COL7A1: variants seen among roughly 807,000 people sequenced by gnomAD.
COL7A1 encodes the protein collagen type VII alpha 1 chain.
Under a neutral mutation model 456.2 loss-of-function variants are expected in COL7A1, and 296 were observed. The observed-to-expected ratio is 0.65, with a 90% CI of 0.59 to 0.71. COL7A1 has a LOEUF of 0.71. Ranked by LOEUF, COL7A1 falls within the 30% of genes least tolerant of loss-of-function variation. COL7A1 has a pLI of 0.00. For missense variants in COL7A1, 3,441 were observed against 4,017.2 expected, an observed-to-expected ratio of 0.86 and a Z score of 3.88; for synonymous variants, 1,464 against 1,525.9, an observed-to-expected ratio of 0.96 and a Z score of 0.95.
At position 48,581,701 on chromosome 3, in the gene COL7A1, C is replaced by T; in HGVS notation, c.4722+5G>A. 6.2e-7 allele frequency: 1 copy of T among 1,614,108 alleles called. No homozygotes were observed. The highest frequency in any genetic ancestry group is 8.5e-7 in the Non-Finnish European group (1 of 1,180,014). On this transcript the variant is annotated splice_donor_5th_base_variant and intron_variant, in intron 49 of 118. Coordinates refer to ENST00000681320, the MANE Select transcript of COL7A1 (RefSeq NM_000094.4). The surrounding 1 kb of genome is among the most constrained non-coding windows in gnomAD (Gnocchi z 5.8). ...ACTGCCCCCTAAACACTTCGCTTCA[C>T]TTACCCGTTCCCCTTGGACTCCGGT... is the stretch of plus-strand genomic sequence containing the variant.
At position 48,568,860 on chromosome 3, in the gene COL7A1, G is replaced by T. The variant is rs1423339135; in HGVS notation, c.7687-5C>A. The T allele has an allele frequency of 6.4e-7, 1 of 1,572,150 alleles. No individual in the cohort carries two copies. ...ACCAGGCTCTCCCTTGCTGCCCTGT[G>T]GGAGTGACCAGGAGAGGGATTCAGT... is the stretch of plus-strand genomic sequence containing the variant. On this transcript the variant is annotated splice_region_variant and splice_polypyrimidine_tract_variant and intron_variant, in intron 103 of 118. Coordinates refer to ENST00000681320, the MANE Select transcript of COL7A1 (RefSeq NM_000094.4). The surrounding 1 kb of genome is among the most constrained non-coding windows in gnomAD (Gnocchi z 5.2).
chr3:48,583,525 C>T lies in COL7A1; in HGVS notation c.4401+31G>A. ...AGGTAGGGGCTGGAGCTGTGCCCAC[C>T]ATATTCAGAATCCCTGGCCCCTCCA... On this transcript the variant is annotated intron_variant, in intron 41 of 118. Transcript: ENST00000681320. This position sits in a 1 kb window ranked among gnomAD's most constrained non-coding sequence, Gnocchi z 5.1. 1.2e-6 allele frequency: 2 copies of T among 1,613,878 alleles called. No individual in the cohort carries two copies. The highest frequency in any genetic ancestry group is 1.7e-6 in the Non-Finnish European group (2 of 1,179,872).
In COL7A1 at chr3:48,580,466, G is replaced by A. The variant is rs2044665594; in HGVS notation, c.5052+115C>T. On this transcript the variant is annotated intron_variant, in intron 55 of 118. Coordinates refer to ENST00000681320, the MANE Select transcript of COL7A1 (RefSeq NM_000094.4). The surrounding 1 kb of genome is among the most constrained non-coding windows in gnomAD (Gnocchi z 4.5). ...CAGATGCGTGTGTGCAGGGGTCAAA[G>A]GAAGTGAAGATTGGGAGGGTTTAGC... 6.8e-7 allele frequency: 1 copy of A among 1,475,376 alleles called. No individual in the cohort carries two copies. The highest frequency in any genetic ancestry group is 1.4e-5 in the African/African-American group (1 of 71,528). 91.4% of individuals were successfully genotyped at this position (1,475,376 alleles called of 1,614,324 possible).
rs926170741 is a variant in COL7A1 at position 48,584,890 on chromosome 3, A to T, written c.4011+20T>A. On this transcript the variant is annotated intron_variant, in intron 34 of 118. Coordinates refer to ENST00000681320, the MANE Select transcript of COL7A1 (RefSeq NM_000094.4). Reference sequence around the variant, plus strand: ...ACCCTGGGAAGACACTTAGAGAGCAAAGAAGGGAAGGCACCTTACCGGGTC... The same window carrying T: ...ACCCTGGGAAGACACTTAGAGAGCATAGAAGGGAAGGCACCTTACCGGGTC... The T allele has an allele frequency of 1.2e-5, 19 of 1,613,976 alleles. No homozygotes were observed. The highest frequency in any genetic ancestry group is 1.6e-5 in the Non-Finnish European group (19 of 1,179,990).
chr3:48,590,652 C>A lies in COL7A1; in HGVS notation c.1780+21G>T. 1.2e-6 allele frequency: 2 copies of A among 1,613,984 alleles called. No individual in the cohort carries two copies. Among genetic ancestry groups the A allele is most frequent in the Non-Finnish European group, 1.7e-6 (2 of 1,180,038 alleles). ...GAGTGAGGCAGGCAGCTGTCCTCCACAAGCCTCCTGCAGTACTCACCCCGG... is the reference window on the plus strand; with the variant it reads ...GAGTGAGGCAGGCAGCTGTCCTCCAAAAGCCTCCTGCAGTACTCACCCCGG... On this transcript the variant is annotated intron_variant, in intron 14 of 118. Transcript: ENST00000681320. This position sits in a 1 kb window ranked among gnomAD's most constrained non-coding sequence, Gnocchi z 4.6.
At chr3:48,582,727 G>A in intron 44 of COL7A1, 74 bp from the exon 45 acceptor site, 1 of 1,527,626 alleles carries the variant, frequency 6.5e-7, no homozygotes, top group Non-Finnish European at 9.0e-7. Flanking sequence ...CTAGAGGCTG[G>A]GGTGGGGGCT....
In COL7A1 at chr3:48,574,581, C is replaced by G. The variant is rs1355708921; in HGVS notation, c.6394-31G>C. 2.5e-6 allele frequency: 4 copies of G among 1,613,782 alleles called. No homozygotes were observed. The African/African-American group carries it at 4.0e-5, about 16-fold the overall frequency. On this transcript the variant is annotated intron_variant, in intron 78 of 118. Coordinates refer to ENST00000681320, the MANE Select transcript of COL7A1 (RefSeq NM_000094.4). This position sits in a 1 kb window ranked among gnomAD's most constrained non-coding sequence, Gnocchi z 5.0. ...GGCAGAGTGTCGTGCCCTGAGCCCC[C>G]AGTCCCTGCCACGTGCCCAGGTGCA...
At position 48,570,221 on chromosome 3, in the gene COL7A1, CAG is replaced by C; in HGVS notation, c.7441-45_7441-44del. On this transcript the variant is annotated intron_variant, in intron 98 of 118. Transcript: ENST00000681320. This position sits in a 1 kb window ranked among gnomAD's most constrained non-coding sequence, Gnocchi z 5.5. ...GTTCATTGACTCAGAGGTTGGAAAT[CAG>C]AGGCAAGAGCTGGGATGAAGGGAGT... 6.2e-7 allele frequency: 1 copy of C among 1,614,082 alleles called. No homozygotes were observed. Among genetic ancestry groups the C allele is most frequent in the Non-Finnish European group, 8.5e-7 (1 of 1,179,976 alleles).
At position 48,566,875 on chromosome 3, in the gene COL7A1, A is replaced by G. The variant is rs367631092; in HGVS notation, c.8226+32T>C. Reference sequence around the variant, plus strand: ...GAGGTTGGAAGGGTAGGGAAGGTTCAGGGATCAGGAGTCAGAGCTGGGGCC... The same window carrying G: ...GAGGTTGGAAGGGTAGGGAAGGTTCGGGGATCAGGAGTCAGAGCTGGGGCC... On this transcript the variant is annotated intron_variant, in intron 111 of 118. Coordinates refer to ENST00000681320, the MANE Select transcript of COL7A1 (RefSeq NM_000094.4). The surrounding 1 kb of genome is among the most constrained non-coding windows in gnomAD (Gnocchi z 5.9). 3.8e-6 allele frequency: 6 copies of G among 1,576,548 alleles called. No homozygotes were observed. The African/African-American group carries it at 6.8e-5, about 18-fold the overall frequency.
In COL7A1 at chr3:48,584,748, G is replaced by A. The variant is rs2045103235; in HGVS notation, c.4033C>T (p.Pro1345Ser). 1 of 1,613,812 alleles carries A rather than the reference G, an allele frequency of 6.2e-7. No individual in the cohort carries two copies. The highest frequency in any genetic ancestry group is 8.5e-7 in the Non-Finnish European group (1 of 1,180,016). Reference protein sequence around the residue: ...GDPGERGPRGPKGEPGAPGQV... With the variant: ...GDPGERGPRGSKGEPGAPGQV... Reference sequence around the variant, plus strand: ...CCTTCACCTACCGGCTCCCCCTTTGGGCCTCGAGGTCCTCGCTCTCCCTGA... The same window carrying A: ...CCTTCACCTACCGGCTCCCCCTTTGAGCCTCGAGGTCCTCGCTCTCCCTGA... Residue 1345 changes from proline to serine, a missense_variant, in exon 35 of 119, where the codon CCA (proline) becomes TCA (serine). Physicochemically the swap from Pro to Ser is moderately conservative, Grantham distance 74 (BLOSUM62 -1). Transcript: ENST00000681320.
At position 48,573,440 on chromosome 3, in the gene COL7A1, T is replaced by G; in HGVS notation, c.6618+73A>C. The G allele has an allele frequency of 6.2e-7, 1 of 1,613,290 alleles. No homozygotes were observed. The highest frequency in any genetic ancestry group is 8.5e-7 in the Non-Finnish European group (1 of 1,179,520). On this transcript the variant is annotated intron_variant, in intron 83 of 118. Coordinates refer to ENST00000681320, the MANE Select transcript of COL7A1 (RefSeq NM_000094.4). The surrounding 1 kb of genome is among the most constrained non-coding windows in gnomAD (Gnocchi z 5.5). Reference sequence around the variant, plus strand: ...TTGCAGGAGATGACAGCCCAGGAGGTTGGCGCACACTACCCCAGGCATGGA... The same window carrying G: ...TTGCAGGAGATGACAGCCCAGGAGGGTGGCGCACACTACCCCAGGCATGGA...
rs2043917870 is a variant in COL7A1, at chr3:48,571,529, C to A, written c.7069-251G>T. 4 of 703,694 alleles carry A rather than the reference C, an allele frequency of 5.7e-6. No individual in the cohort carries two copies. Among genetic ancestry groups the A allele is most frequent in the Non-Finnish European group, 1.1e-5 (4 of 377,724 alleles). 43.6% of individuals were successfully genotyped at this position (703,694 alleles called of 1,614,324 possible). ...CAGGCATGGCACAGGCACAGGGAGC[C>A]CACACGCGAGTGCAGACATCTGGCT... On this transcript the variant is annotated intron_variant, in intron 92 of 118. Coordinates refer to ENST00000681320, the MANE Select transcript of COL7A1 (RefSeq NM_000094.4). This position sits in a 1 kb window ranked among gnomAD's most constrained non-coding sequence, Gnocchi z 4.6.
Position 48,580,257 on chromosome 3 carries a change from G to C in COL7A1, c.5097+43C>G, listed in dbSNP as rs751655770. The C allele has an allele frequency of 2.5e-6, 4 of 1,602,044 alleles. No homozygotes were observed. The highest frequency in any genetic ancestry group is 3.4e-6 in the Non-Finnish European group (4 of 1,173,472). On this transcript the variant is annotated intron_variant, in intron 56 of 118. Coordinates refer to ENST00000681320, the MANE Select transcript of COL7A1 (RefSeq NM_000094.4). This position sits in a 1 kb window ranked among gnomAD's most constrained non-coding sequence, Gnocchi z 4.5. ...AGGCACACTGGCAGCAGCGCCAGGG[G>C]ACCCTCCATCCCTTCTGAGCCCAGG...
In COL7A1 at chr3:48,579,565, C is replaced by T; in HGVS notation, c.5235+23G>A. Reference sequence around the variant, plus strand: ...AGAGCAGGCCCTCCCATGCCTGCACCCCCGAGGACCAATCACACTCACCCT... The same window carrying T: ...AGAGCAGGCCCTCCCATGCCTGCACTCCCGAGGACCAATCACACTCACCCT... On this transcript the variant is annotated intron_variant, in intron 59 of 118. Transcript: ENST00000681320. The surrounding 1 kb of genome is among the most constrained non-coding windows in gnomAD (Gnocchi z 4.4). The T allele has an allele frequency of 6.2e-7, 1 of 1,613,850 alleles. No homozygotes were observed. Among genetic ancestry groups the T allele is most frequent in the Non-Finnish European group, 8.5e-7 (1 of 1,179,988 alleles).
At position 48,574,512 on chromosome 3, in the gene COL7A1, T is replaced by C. The variant is rs765527332; in HGVS notation, c.6432A>G (p.Gly2144=). ...PGIKGDRGEP[G]PRGQDGNPGL... The stretch of plus-strand genomic sequence containing the variant: ...CCGGGTTGCCGTCCTGACCCCTCGG[T>C]CCAGGCTCTCCCCGGTCTCCTTTGA... Residue 2144 remains glycine (G), a synonymous_variant, in exon 79 of 119, where the codon GGA becomes GGG. Coordinates refer to ENST00000681320, the MANE Select transcript of COL7A1 (RefSeq NM_000094.4). This position sits in a 1 kb window ranked among gnomAD's most constrained non-coding sequence, Gnocchi z 5.0. The C allele has an allele frequency of 1.2e-5, 20 of 1,614,046 alleles. No homozygotes were observed. The South Asian group carries it at 2.2e-4, about 18-fold the overall frequency.
At position 48,565,698 on chromosome 3, in the gene COL7A1, A is replaced by AG; in HGVS notation, c.8408-31_8408-30insC. The stretch of plus-strand genomic sequence containing the variant: ...AGGGGGCAGAGAGGGATAGAGAGAC[A>AG]ATGACAGAGAGAAGGATGGGAAGAT... On this transcript the variant is annotated intron_variant, in intron 114 of 118. Transcript: ENST00000681320. This position sits in a 1 kb window ranked among gnomAD's most constrained non-coding sequence, Gnocchi z 4.5. The AG allele has an allele frequency of 6.3e-7, 1 of 1,598,614 alleles. No homozygotes were observed. The highest frequency in any genetic ancestry group is 8.5e-7 in the Non-Finnish European group (1 of 1,170,716).
rs1490409117 is a variant in COL7A1 at position 48,579,555 on chromosome 3, A to T, written c.5235+33T>A. On this transcript the variant is annotated intron_variant, in intron 59 of 118. Transcript: ENST00000681320. The surrounding 1 kb of genome is among the most constrained non-coding windows in gnomAD (Gnocchi z 4.4). ...GGAAGAAATCAGAGCAGGCCCTCCCATGCCTGCACCCCCGAGGACCAATCA... is the reference window on the plus strand; with the variant it reads ...GGAAGAAATCAGAGCAGGCCCTCCCTTGCCTGCACCCCCGAGGACCAATCA... The T allele has an allele frequency of 3.7e-6, 6 of 1,613,668 alleles. No homozygotes were observed. In the Admixed American group the frequency reaches 6.7e-5, roughly 18 times the overall value.
intron 18 of COL7A1, 107 bp from the exon 19 acceptor site, chr3:48,589,102 G>C: frequency 6.3e-7 from 1 of 1,581,190 alleles, no homozygotes; most frequent in Non-Finnish European, 8.7e-7. Flanking sequence ...AGTGTGGACA[G>C]GTCACTTTAG....
In COL7A1 at chr3:48,581,894, C is replaced by T; in HGVS notation, c.4668+17G>A. ...TCAACCCTGTAGAAACCTCCCCTTG[C>T]CCCATACCAGGCTTACCTTTTCTCC... is the stretch of plus-strand genomic sequence containing the variant. On this transcript the variant is annotated intron_variant, in intron 48 of 118. Coordinates refer to ENST00000681320, the MANE Select transcript of COL7A1 (RefSeq NM_000094.4). This position sits in a 1 kb window ranked among gnomAD's most constrained non-coding sequence, Gnocchi z 5.8. 5 of 1,614,082 alleles carry T rather than the reference C, an allele frequency of 3.1e-6. No homozygotes were observed. Among genetic ancestry groups the T allele is most frequent in the Non-Finnish European group, 4.2e-6 (5 of 1,180,022 alleles).
Sources: allele counts gnomAD v4.1 joint callset, GRCh38; gene constraint gnomAD v4.1.1; non-coding constraint Gnocchi (gnomAD v3.1); transcripts MANE v1.5; gene names NCBI Gene and HGNC (gene_info 2026-07-23, HGNC 2026-07-21).